KPNA4: variants seen among roughly 807,000 people sequenced by gnomAD.
KPNA4 encodes importin subunit alpha-3.
A neutral mutation model predicts 71.3 loss-of-function variants in KPNA4; 13 were observed. The observed-to-expected ratio is 0.18, with a 90% CI of 0.12 to 0.29. The LOEUF (loss-of-function observed/expected upper bound fraction) is 0.29, where lower values mean the gene tolerates loss of function less well. Among genes scored for constraint, KPNA4 ranks in the 10% least tolerant of loss-of-function variants. The pLI is 1.00. For synonymous variants in KPNA4, 189 were observed against 195.2 expected, an observed-to-expected ratio of 0.97 and a Z score of 0.26; for missense variants, 334 against 603.2, an observed-to-expected ratio of 0.55 and a Z score of 4.67.
intron 13 of KPNA4, among the ~76,000 whole-genome samples, chr3:160,512,787 G>A (rs995239999): frequency 1.3e-5 from 2 of 151,996 alleles, no homozygotes; most frequent in Admixed American, 6.6e-5. Flanking sequence ...AGCTGATATC[G>A]TGTCACTGCA....
rs1447443088 is a variant in KPNA4 at position 160,521,632 on chromosome 3, CTTA to C, written c.903+144_903+146del. 19 of 746,072 alleles carry C rather than the reference CTTA, an allele frequency of 2.5e-5. No individual in the cohort carries two copies. In the African/African-American group the frequency reaches 3.0e-4, roughly 12 times the overall value. The allele number at this position is 746,072 out of a possible 1,614,324, so 46.2% of individuals were successfully genotyped here. On this transcript the variant is annotated intron_variant, in intron 11 of 16. Coordinates refer to ENST00000334256, the MANE Select transcript of KPNA4 (RefSeq NM_002268.5). ...AGAAATTAGTAATCTACAATGGCATCTTATTATTTATTTTCCCCTTTCCATCAC... is the reference window on the plus strand; with the variant it reads ...AGAAATTAGTAATCTACAATGGCATCTTATTTATTTTCCCCTTTCCATCAC...
At chr3:160,542,338 T>A (rs1369755642) in intron 1 of KPNA4, among the ~76,000 whole-genome samples, 1 of 152,184 alleles carries the variant, frequency 6.6e-6, no homozygotes, top group Non-Finnish European at 1.5e-5. Flanking sequence ...ACTAGAAAAG[T>A]ATGTTTTCCT....
intron 1 of KPNA4, among the ~76,000 whole-genome samples, chr3:160,542,554 T>C (rs1179754976): frequency 2.6e-5 from 4 of 152,176 alleles, no homozygotes; most frequent in Non-Finnish European, 5.9e-5. Flanking sequence ...AAAACCCATA[T>C]TACAATCCTT....
At chr3:160,530,083 C>A (rs1010198944) in intron 7 of KPNA4, among the ~76,000 whole-genome samples, 1 of 141,070 alleles carries the variant, frequency 7.1e-6, no homozygotes, top group Admixed American at 7.7e-5. Flanking sequence ...TGCAGTGAGC[C>A]GAGATCGCAT....
At chr3:160,548,063 T>C (rs1373800096) in intron 1 of KPNA4, among the ~76,000 whole-genome samples, 1 of 152,222 alleles carries the variant, frequency 6.6e-6, no homozygotes, top group African/African-American at 2.4e-5. Context: ...AGGCGTGCTA[T>C]TGTTGGGTCA....
At position 160,508,289 on chromosome 3, in the gene KPNA4, T is replaced by C. The variant is rs369218457; in HGVS notation, c.1210-20A>G. On this transcript the variant is annotated intron_variant, in intron 14 of 16. Transcript: ENST00000334256. ...AGCCACCTGAAGAATAAAAACAACA[T>C]AAAATAATGCAATATAGGTAAACTT... The C allele has an allele frequency of 1.3e-6, 2 of 1,555,376 alleles. No homozygotes were observed. Among genetic ancestry groups the C allele is most frequent in the Non-Finnish European group, 1.7e-6 (2 of 1,147,116 alleles).
chr3:160,528,732 C>G (rs1451118817), intron 7 of KPNA4, among the ~76,000 whole-genome samples: 2 of 152,236 alleles, frequency 1.3e-5, no homozygotes, highest in East Asian at 3.9e-4. Flanking sequence ...CCAGTGATTC[C>G]TGGGCCATGT....
At chr3:160,529,791 G>A (rs551604656) in intron 7 of KPNA4, among the ~76,000 whole-genome samples, 11 of 151,622 alleles carry the variant, frequency 7.3e-5, no homozygotes, top group Admixed American at 2.6e-4. Context: ...AAAAAAATTC[G>A]AGCCATTCTT....
intron 1 of KPNA4, among the ~76,000 whole-genome samples, chr3:160,561,340 T>C (rs560568194): frequency 6.6e-6 from 1 of 152,196 alleles, no homozygotes; most frequent in South Asian, 2.1e-4. Flanking sequence ...GACAAGTTTT[T>C]TATTTCAAGT....
At chr3:160,520,182 C>A (rs1721317279) in intron 11 of KPNA4, among the ~76,000 whole-genome samples, 1 of 151,908 alleles carries the variant, frequency 6.6e-6, no homozygotes, top group South Asian at 2.1e-4. Context: ...TAAATACAAA[C>A]TTAAGGATAA....
rs781627966 is a variant in KPNA4 at position 160,513,934 on chromosome 3, C to T, written c.1137+143G>A. 3.5e-5 allele frequency: 14 copies of T among 402,194 alleles called. No individual in the cohort carries two copies. The Admixed American group carries it at 6.1e-4, about 18-fold the overall frequency. 24.9% of individuals were successfully genotyped at this position (402,194 alleles called of 1,614,324 possible). A position where few individuals can be genotyped will look rare whatever the true frequency, so the allele number is the denominator to read the frequency against. The stretch of plus-strand genomic sequence containing the variant: ...TATAAAAATGGCTAGGTTCAAAAGT[C>T]GTAATGTTAATATTACTTTACTATA... On this transcript the variant is annotated intron_variant, in intron 13 of 16. Coordinates refer to ENST00000334256, the MANE Select transcript of KPNA4 (RefSeq NM_002268.5).
rs534316736 is a variant in KPNA4 at position 160,523,813 on chromosome 3, T to C, written c.772-1903A>G. On this transcript the variant is annotated intron_variant, in intron 10 of 16. Coordinates refer to ENST00000334256, the MANE Select transcript of KPNA4 (RefSeq NM_002268.5). ...TTGCAGTGAGTGGAGATCATGCCAC[T>C]GCACTCCAGCCTGGGAAACAGTGCG... Among the ~76,000 whole-genome samples the C allele has an allele frequency of 2.6e-5, 4 of 151,646 alleles. No homozygotes were observed. In the South Asian group the frequency reaches 6.2e-4, roughly 24 times the overall value.
intron 1 of KPNA4, among the ~76,000 whole-genome samples, chr3:160,562,878 A>C (rs1050635587): frequency 8.5e-5 from 13 of 152,358 alleles, no homozygotes; most frequent in Admixed American, 2.6e-4. Flanking sequence ...ATACAGCCTC[A>C]GGACTTAATC....
Position 160,514,058 on chromosome 3 carries a change from T to C in KPNA4, c.1137+19A>G, listed in dbSNP as rs202138286. ...CCCCTTACATCAGATAAATGATACA[T>C]ATAACATGATTTTCTTACCTTATCC... is the stretch of plus-strand genomic sequence containing the variant. On this transcript the variant is annotated intron_variant, in intron 13 of 16. Transcript: ENST00000334256. 8.8e-5 allele frequency: 123 copies of C among 1,394,608 alleles called. No homozygotes were observed. The highest frequency in any genetic ancestry group is 1.2e-4 in the Non-Finnish European group (123 of 1,018,826). The allele number at this position is 1,394,608 out of a possible 1,614,324, so 86.4% of individuals were successfully genotyped here.
At chr3:160,538,606 A>C (rs1027051441) in intron 1 of KPNA4, among the ~76,000 whole-genome samples, 62 of 152,144 alleles carry the variant, frequency 4.1e-4, no homozygotes, top group Non-Finnish European at 9.1e-4. Context: ...AAAATATCCA[A>C]AGACTCTCAC....
intron 2 of KPNA4, 120 bp downstream of exon 2, chr3:160,536,676 T>C: frequency 2.0e-6 from 1 of 500,526 alleles, no homozygotes; most frequent in Non-Finnish European, 3.5e-6. Flanking sequence ...AAATAAAATT[T>C]AGTTATACAA....
At chr3:160,543,313 C>A (rs1003660325) in intron 1 of KPNA4, among the ~76,000 whole-genome samples, 51 of 152,028 alleles carry the variant, frequency 3.4e-4, no homozygotes, top group Admixed American at 3.3e-3. Flanking sequence ...TTCAATGGAT[C>A]TCTGAGATCT....
rs1327517899 is a variant in KPNA4, at chr3:160,501,288, AG to A, written c.*815del. 2 of 152,146 alleles carry A rather than the reference AG, an allele frequency of 1.3e-5. No homozygotes were observed. The highest frequency in any genetic ancestry group is 4.8e-5 in the African/African-American group (2 of 41,250). 9.4% of individuals were successfully genotyped at this position (152,146 alleles called of 1,614,324 possible). ...TAAAGTAAATAAAAACTAAAAAAAA[AG>A]AAAAGAAAAGCAAAAAAGAAAAAAA... is the stretch of plus-strand genomic sequence containing the variant. On this transcript the variant is annotated 3_prime_UTR_variant, in exon 17 of 17. Transcript: ENST00000334256.
At position 160,554,793 on chromosome 3, in the gene KPNA4, G is replaced by A. The variant is rs1466899241; in HGVS notation, c.69+10421C>T. ...AGAGCTTCTGGATAGCAGAACACAT[G>A]CTGGTGCCTAGACAGCATGGAAACT... On this transcript the variant is annotated intron_variant, in intron 1 of 16. Transcript: ENST00000334256. 3.4e-4 allele frequency among the ~76,000 whole-genome samples: 51 copies of A among 152,194 alleles called. 1 individual carries two copies. Among genetic ancestry groups the A allele is most frequent in the Admixed American group, 3.2e-3 (49 of 15,292 alleles).
Sources: allele counts gnomAD v4.1 joint callset (sites outside exome capture counted in the v4.1 genomes callset), GRCh38; gene constraint gnomAD v4.1.1; transcripts MANE v1.5; gene names NCBI Gene and HGNC (gene_info 2026-07-23, HGNC 2026-07-21).